The following TAFA1 variants were observed in gnomAD, a reference collection of about 807,000 sequenced individuals.
TAFA1 encodes chemokine-like protein TAFA-1.
In TAFA1, 4 loss-of-function variants were observed where a neutral mutation model predicts 18.5. That is an observed-to-expected ratio of 0.22 (90% CI 0.11 to 0.49). The LOEUF (loss-of-function observed/expected upper bound fraction) is 0.49, where lower values mean the gene tolerates loss of function less well. Ranked by LOEUF, TAFA1 falls within the 20% of genes least tolerant of loss-of-function variation. The probability of loss-of-function intolerance (pLI) is 0.98; values close to 1 mark genes in which losing one functional copy is unlikely to be tolerated. For missense variants in TAFA1, 147 were observed against 169.0 expected (o/e 0.87, Z 0.72); for synonymous variants, 56 against 55.2 (o/e 1.01, Z -0.06).
At chr3:68,363,909 C>T (rs2069519568) in intron 2 of TAFA1, among the ~76,000 whole-genome samples, 1 of 152,176 alleles carries the variant, frequency 6.6e-6, no homozygotes, top group African/African-American at 2.4e-5. Context: ...TTACCTTACT[C>T]TGCAGTGTCT....
rs147888238 is a variant in TAFA1 at position 68,011,329 on chromosome 3, A to T, written c.118+4585A>T. 9.0e-3 allele frequency among the ~76,000 whole-genome samples: 1,370 copies of T among 152,286 alleles called. 7 individuals are homozygous for T. The highest frequency in any genetic ancestry group is 0.014 in the Non-Finnish European group (950 of 68,016). On this transcript the variant is annotated intron_variant, in intron 2 of 4. Transcript: ENST00000478136. ...ATTTTATCGACAGGGGTGTACGGAA[A>T]TGATATATAAAAAGATTACTCTGAA...
chr3:68,081,226 C>T (rs973225724), intron 2 of TAFA1, among the ~76,000 whole-genome samples: 5 of 151,944 alleles, frequency 3.3e-5, no homozygotes, highest in Admixed American at 2.0e-4. Context: ...AAATTTTTTT[C>T]GAAGTTTTCA....
intron 2 of TAFA1, among the ~76,000 whole-genome samples, chr3:68,319,301 A>T (rs1270761742): frequency 6.6e-6 from 1 of 152,218 alleles, no homozygotes; most frequent in Non-Finnish European, 1.5e-5. Flanking sequence ...AAATCTCTAG[A>T]ACAGCGATTC....
chr3:68,115,563 G>A (rs1325358711), intron 2 of TAFA1, among the ~76,000 whole-genome samples: 4 of 152,170 alleles, frequency 2.6e-5, no homozygotes, highest in Admixed American at 2.0e-4. Context: ...ACAGGTTGAG[G>A]TTTTGATGTG....
At chr3:68,260,405 T>C (rs1177113287) in intron 2 of TAFA1, among the ~76,000 whole-genome samples, 2 of 152,136 alleles carry the variant, frequency 1.3e-5, no homozygotes, top group African/African-American at 4.8e-5. Flanking sequence ...TTCTCTTTTT[T>C]GGTTGTGTCT....
At chr3:68,130,649 C>G (rs941366485) in intron 2 of TAFA1, among the ~76,000 whole-genome samples, 14 of 152,146 alleles carry the variant, frequency 9.2e-5, no homozygotes, top group Non-Finnish European at 2.9e-5. Context: ...TTCTTTTCCA[C>G]TTCTCCAACT....
intron 2 of TAFA1, among the ~76,000 whole-genome samples, chr3:68,096,945 A>G (rs1172791707): frequency 6.6e-6 from 1 of 152,152 alleles, no homozygotes; most frequent in East Asian, 1.9e-4. Context: ...CAGCAGGTGT[A>G]TACCCCTAGG....
chr3:68,519,797 CT>C (rs2072989577), intron 3 of TAFA1, among the ~76,000 whole-genome samples: 1 of 152,156 alleles, frequency 6.6e-6, no homozygotes, highest in Admixed American at 6.5e-5. Context: ...GAGGGCTCCA[CT>C]TTCATGACCG....
chr3:68,379,411 A>G (rs558933317), intron 2 of TAFA1, among the ~76,000 whole-genome samples: 3 of 152,218 alleles, frequency 2.0e-5, no homozygotes. Context: ...TCAGATGCAC[A>G]GTTTGCAAAT....
intron 3 of TAFA1, among the ~76,000 whole-genome samples, chr3:68,498,922 G>A (rs934547559): frequency 5.9e-5 from 9 of 151,962 alleles, no homozygotes; most frequent in Admixed American, 2.0e-4. Context: ...GGGAAATGGA[G>A]CTTTGAAAGC....
At chr3:68,204,373 C>G (rs1219032490) in intron 2 of TAFA1, among the ~76,000 whole-genome samples, 5 of 151,774 alleles carry the variant, frequency 3.3e-5, no homozygotes, top group Admixed American at 1.3e-4. Flanking sequence ...AAGCCCCCCA[C>G]TTACACTGGC....
At chr3:68,400,137 A>T (rs2106743223) in intron 2 of TAFA1, among the ~76,000 whole-genome samples, 2 of 151,620 alleles carry the variant, frequency 1.3e-5, no homozygotes, top group Middle Eastern at 3.4e-3. Flanking sequence ...TCACAATCCC[A>T]CTCCTGGAGC....
At chr3:68,283,089 T>G (rs986904795) in intron 2 of TAFA1, among the ~76,000 whole-genome samples, 1 of 152,202 alleles carries the variant, frequency 6.6e-6, no homozygotes, top group Non-Finnish European at 1.5e-5. Flanking sequence ...GAATCTACTA[T>G]ATTTTTAAAC....
At chr3:68,374,180 T>C (rs1026212441) in intron 2 of TAFA1, among the ~76,000 whole-genome samples, 10 of 152,164 alleles carry the variant, frequency 6.6e-5, no homozygotes, top group African/African-American at 2.4e-4. Flanking sequence ...AATGCTGCTA[T>C]TTAAGAGACC....
At chr3:68,035,250 T>C (rs1705021303) in intron 2 of TAFA1, among the ~76,000 whole-genome samples, 1 of 152,186 alleles carries the variant, frequency 6.6e-6, no homozygotes. Flanking sequence ...GACTGCTGTT[T>C]CTCACACGCA....
At chr3:68,425,615 G>A (rs910727050) in intron 3 of TAFA1, among the ~76,000 whole-genome samples, 7 of 151,908 alleles carry the variant, frequency 4.6e-5, no homozygotes, top group Non-Finnish European at 1.0e-4. Context: ...GGAATGAGAG[G>A]ATGAATGTAC....
intron 4 of TAFA1, among the ~76,000 whole-genome samples, chr3:68,541,148 C>T (rs1230840856): frequency 2.0e-5 from 3 of 152,212 alleles, no homozygotes; most frequent in Non-Finnish European, 4.4e-5. Flanking sequence ...GCACATCAGT[C>T]AGCTGAGAAT....
At chr3:68,366,576 A>T in intron 2 of TAFA1, among the ~76,000 whole-genome samples, 1 of 149,366 alleles carries the variant, frequency 6.7e-6, no homozygotes, top group African/African-American at 2.5e-5. Flanking sequence ...TGTAGTGGAT[A>T]CAAACGTATT....
At chr3:68,471,564 A>G (rs2071998254) in intron 3 of TAFA1, among the ~76,000 whole-genome samples, 2 of 152,170 alleles carry the variant, frequency 1.3e-5, no homozygotes, top group South Asian at 4.1e-4. Context: ...TTCAAGGGCA[A>G]GAAGCATCCA....
Sources: gnomAD v4.1 joint callset for allele counts (sites outside exome capture counted in the v4.1 genomes callset) on GRCh38, gnomAD v4.1.1 for gene constraint, MANE v1.5 for transcripts, NCBI Gene and HGNC (gene_info 2026-07-23, HGNC 2026-07-21) for gene names.